The following SPATA16 variants were observed in gnomAD, a reference collection of about 807,000 sequenced individuals.
SPATA16 encodes spermatogenesis associated 16.
In SPATA16, 36 loss-of-function variants were observed where a neutral mutation model predicts 63.3. The observed-to-expected ratio is 0.57, with a 90% CI of 0.44 to 0.75. The LOEUF (loss-of-function observed/expected upper bound fraction) is 0.75. Among genes scored for constraint, SPATA16 ranks in the 30% least tolerant of loss-of-function variants. SPATA16 has a pLI of 0.00. For missense variants in SPATA16, 646 were observed against 679.3 expected, an observed-to-expected ratio of 0.95 and a Z score of 0.54; for synonymous variants, 203 against 216.7, an observed-to-expected ratio of 0.94 and a Z score of 0.56.
At chr3:173,067,638 A>G (rs1379012055) in intron 2 of SPATA16, among the ~76,000 whole-genome samples, 1 of 152,220 alleles carries the variant, frequency 6.6e-6, no homozygotes, top group Non-Finnish European at 1.5e-5. Context: ...TAAAAAGGAC[A>G]AATCTAAGAG....
intron 4 of SPATA16, among the ~76,000 whole-genome samples, chr3:172,990,542 A>G (rs1420954014): frequency 6.6e-6 from 1 of 152,192 alleles, no homozygotes; most frequent in Non-Finnish European, 1.5e-5. Context: ...AATGGTCAGT[A>G]TTCATAAGCT....
intron 6 of SPATA16, among the ~76,000 whole-genome samples, chr3:172,937,363 A>G (rs1053997419): frequency 6.6e-6 from 1 of 152,208 alleles, no homozygotes; most frequent in Non-Finnish European, 1.5e-5. Context: ...TTTAGCGGTG[A>G]ATCTGATTCC....
chr3:172,976,919 CT>C (rs1194222225), intron 5 of SPATA16, 48 bp downstream of exon 5: 1 of 1,505,610 alleles, frequency 6.6e-7, no homozygotes, highest in Non-Finnish European at 9.2e-7. Context: ...CATTTTGGCT[CT>C]AAAAATGAGA....
intron 2 of SPATA16, among the ~76,000 whole-genome samples, chr3:173,092,483 A>G (rs1264994490): frequency 2.0e-5 from 3 of 152,212 alleles, no homozygotes; most frequent in African/African-American, 7.2e-5. Flanking sequence ...ATTTTAGATT[A>G]TTGGAGTGGG....
intron 1 of SPATA16, among the ~76,000 whole-genome samples, chr3:173,138,069 T>C (rs934361261): frequency 3.3e-5 from 5 of 152,180 alleles, no homozygotes; most frequent in African/African-American, 9.6e-5. Flanking sequence ...AGCTGATTTC[T>C]AACAAGTTAA....
At chr3:173,113,539 G>T (rs1436078650) in intron 2 of SPATA16, among the ~76,000 whole-genome samples, 1 of 152,104 alleles carries the variant, frequency 6.6e-6, no homozygotes, top group African/African-American at 2.4e-5. Context: ...AAAGTTGACA[G>T]GTTTTTGGAA....
At chr3:173,107,449 C>G (rs1737646029) in intron 2 of SPATA16, among the ~76,000 whole-genome samples, 1 of 139,704 alleles carries the variant, frequency 7.2e-6, no homozygotes, top group South Asian at 2.3e-4. Context: ...AAATCTCTCT[C>G]TCTCTATTTT....
chr3:173,038,809 C>G (rs962524641), intron 3 of SPATA16, among the ~76,000 whole-genome samples: 1 of 152,142 alleles, frequency 6.6e-6, no homozygotes, highest in South Asian at 2.1e-4. Flanking sequence ...GACATTAAGG[C>G]TGAAATTTGC....
At chr3:173,026,700 C>A (rs977036587) in intron 3 of SPATA16, among the ~76,000 whole-genome samples, 3 of 151,852 alleles carry the variant, frequency 2.0e-5, no homozygotes, top group African/African-American at 7.2e-5. Context: ...TATTGAATAA[C>A]CTTGACATGA....
At chr3:173,096,205 G>A (rs897274152) in intron 2 of SPATA16, among the ~76,000 whole-genome samples, 2 of 151,972 alleles carry the variant, frequency 1.3e-5, no homozygotes, top group African/African-American at 4.8e-5. Flanking sequence ...TGGGCATTTG[G>A]GTCAGCGCTG....
At chr3:173,064,684 T>C (rs1272145790) in intron 2 of SPATA16, among the ~76,000 whole-genome samples, 1 of 152,150 alleles carries the variant, frequency 6.6e-6, no homozygotes, top group South Asian at 2.1e-4. Context: ...GTTCTTCTCA[T>C]GGAAAATGCA....
chr3:172,961,089 C>T (rs202137235), intron 5 of SPATA16, among the ~76,000 whole-genome samples: 13,194 of 112,402 alleles, frequency 0.12, 1,291 homozygotes, highest in South Asian at 0.21. Flanking sequence ...TTCCTTCCTT[C>T]CTTCCTTCCT....
rs532286077 is a variant in SPATA16, at chr3:172,995,511, G to A, written c.849-18459C>T. The stretch of plus-strand genomic sequence containing the variant: ...AGCTTCAGAAGCTAAAATTAAGTTG[G>A]AATCTGTAGGAGATATAACGTATAG... On this transcript the variant is annotated intron_variant, in intron 4 of 10. Transcript: ENST00000351008. Among the ~76,000 whole-genome samples, 3 of 152,094 alleles carry A rather than the reference G, an allele frequency of 2.0e-5. No homozygotes were observed. In the South Asian group the frequency reaches 6.2e-4, roughly 32 times the overall value.
At position 172,913,841 on chromosome 3, in the gene SPATA16, G is replaced by C. The variant is rs1401222208; in HGVS notation, c.1504-97C>G. 22 of 1,065,838 alleles carry C rather than the reference G, an allele frequency of 2.1e-5. No homozygotes were observed. In the South Asian group the frequency reaches 3.0e-4, roughly 14 times the overall value. 66.0% of individuals were successfully genotyped at this position (1,065,838 alleles called of 1,614,324 possible). A position where few individuals can be genotyped will look rare whatever the true frequency, so the allele number is the denominator to read the frequency against. ...AACCTAATTAAAAAATCATTTGTAC[G>C]CTGATGATTTTATTACTCATCTTTC... On this transcript the variant is annotated intron_variant, in intron 9 of 10. Transcript: ENST00000351008.
chr3:172,943,506 G>A (rs761843066), intron 6 of SPATA16, among the ~76,000 whole-genome samples: 1 of 152,228 alleles, frequency 6.6e-6, no homozygotes, highest in Non-Finnish European at 1.5e-5. Flanking sequence ...CTGTTAGGCT[G>A]TGGTGGGCAA....
intron 4 of SPATA16, among the ~76,000 whole-genome samples, chr3:172,998,197 C>A (rs962338994): frequency 2.6e-5 from 4 of 152,024 alleles, no homozygotes; most frequent in Non-Finnish European, 5.9e-5. Context: ...TTATTCAGTT[C>A]TTTGATTTCT....
rs890902320 is a variant in SPATA16 at position 172,889,577 on chromosome 3, T to G, written c.1703A>C (p.Gln568Pro). 1.2e-6 allele frequency: 2 copies of G among 1,613,634 alleles called. No homozygotes were observed. Among genetic ancestry groups the G allele is most frequent in the East Asian group, 2.2e-5 (1 of 44,884 alleles). The change falls in exon 11 of 11, where the codon CAA becomes CCA. Residue 568 changes from glutamine to proline, a missense_variant. By Grantham distance (76) the Gln-to-Pro change is moderately conservative (BLOSUM62 -1). Coordinates refer to ENST00000351008, the MANE Select transcript of SPATA16 (RefSeq NM_031955.6). ...TKMKRLQTVQ[Q>P]R ...GTGCCTGCTCCCTAATGACTACCTT[T>G]GCTGAACAGTTTGAAGTCGCTTCAT...
chr3:172,977,191 C>T lies in SPATA16; in HGVS notation c.849-139G>A. 3 of 735,152 alleles carry T rather than the reference C, an allele frequency of 4.1e-6. No homozygotes were observed. The South Asian group carries it at 5.0e-5, about 12-fold the overall frequency. The allele number at this position is 735,152 out of a possible 1,614,324, so 45.5% of individuals were successfully genotyped here. On this transcript the variant is annotated intron_variant, in intron 4 of 10. Transcript: ENST00000351008. ...TTGTCTAGACTAATATTAAGCAAAACACAAAGCACATTTTAGAGTGTTGAA... is the reference window on the plus strand; with the variant it reads ...TTGTCTAGACTAATATTAAGCAAAATACAAAGCACATTTTAGAGTGTTGAA...
At chr3:172,936,271 A>C (rs974065277) in intron 6 of SPATA16, among the ~76,000 whole-genome samples, 4 of 152,230 alleles carry the variant, frequency 2.6e-5, no homozygotes, top group Non-Finnish European at 2.9e-5. Flanking sequence ...GTAAAGACTG[A>C]GTTAATCACT....
Sources: gnomAD v4.1 joint callset for allele counts (sites outside exome capture counted in the v4.1 genomes callset) on GRCh38, gnomAD v4.1.1 for gene constraint, MANE v1.5 for transcripts, NCBI Gene and HGNC (gene_info 2026-07-23, HGNC 2026-07-21) for gene names.